Variants in MYRIP observed in about 807,000 individuals in gnomAD.
The protein encoded by MYRIP is myosin VIIA and Rab interacting protein.
In MYRIP, 49 loss-of-function variants were observed where a neutral mutation model predicts 98.0. The ratio of observed to expected loss-of-function variants is 0.50; its 90% CI spans 0.40 to 0.63. The LOEUF (loss-of-function observed/expected upper bound fraction) is 0.63. MYRIP is among the 30% of genes least tolerant of loss of function. The probability of loss-of-function intolerance (pLI) is 0.00; values close to 1 mark genes in which losing one functional copy is unlikely to be tolerated. For synonymous variants in MYRIP, 404 were observed against 409.5 expected (o/e 0.99, Z 0.16); for missense variants, 1,004 against 1,058.2 (o/e 0.95, Z 0.71).
intron 3 of MYRIP, among the ~76,000 whole-genome samples, chr3:40,087,937 C>T (rs1164444685): frequency 2.7e-5 from 4 of 149,072 alleles, no homozygotes; most frequent in Non-Finnish European, 6.0e-5. Context: ...ACACCATTGT[C>T]TTGTGTTTGT....
intron 2 of MYRIP, among the ~76,000 whole-genome samples, chr3:39,904,559 G>T (rs540581336): frequency 6.6e-6 from 1 of 152,096 alleles, no homozygotes; most frequent in African/African-American, 2.4e-5. Flanking sequence ...TTTCCCAAAA[G>T]CATGTATTTA....
At position 39,852,294 on chromosome 3, in the gene MYRIP, G is replaced by C. The variant is rs115121860; in HGVS notation, c.-31+42378G>C. On this transcript the variant is annotated intron_variant, in intron 1 of 16. Coordinates refer to ENST00000302541, the MANE Select transcript of MYRIP (RefSeq NM_015460.4). Reference sequence around the variant, plus strand: ...TTGGGAGACTAGTAACAACTTGATGGGCTGCAGAGCACACCTCTGGTCCCA... The same window carrying C: ...TTGGGAGACTAGTAACAACTTGATGCGCTGCAGAGCACACCTCTGGTCCCA... Among the ~76,000 whole-genome samples the C allele has an allele frequency of 5.0e-3, 757 of 152,278 alleles. 9 individuals carry two copies. Among genetic ancestry groups the C allele is most frequent in the African/African-American group, 0.017 (716 of 41,570 alleles).
At chr3:40,084,402 A>C (rs1948561853) in intron 3 of MYRIP, among the ~76,000 whole-genome samples, 1 of 146,774 alleles carries the variant, frequency 6.8e-6, no homozygotes, top group Non-Finnish European at 1.5e-5. Flanking sequence ...GATAATACAC[A>C]TCTATGTATT....
intron 2 of MYRIP, among the ~76,000 whole-genome samples, chr3:39,935,860 A>G (rs1392632122): frequency 1.3e-5 from 2 of 152,192 alleles, no homozygotes; most frequent in African/African-American, 4.8e-5. Context: ...ATGTGTTTCT[A>G]GCCTCCTTTG....
chr3:40,136,226 T>C (rs1335071138), intron 3 of MYRIP, among the ~76,000 whole-genome samples: 1 of 151,946 alleles, frequency 6.6e-6, no homozygotes, highest in African/African-American at 2.4e-5. Flanking sequence ...AAGGCAGGGG[T>C]TGCAATCCTA....
chr3:40,182,269 C>T lies in MYRIP; in HGVS notation c.923C>T (p.Pro308Leu), dbSNP rs756531645. The T allele has an allele frequency of 8.1e-6, 13 of 1,613,986 alleles. No individual in the cohort carries two copies. Among genetic ancestry groups the T allele is most frequent in the East Asian group, 6.7e-5 (3 of 44,854 alleles). The change falls in exon 9 of 17, where the codon CCT becomes CTT. Residue 308 changes from proline to leucine, a missense_variant. Coordinates refer to ENST00000302541, the MANE Select transcript of MYRIP (RefSeq NM_015460.4). ...ACTGGAGAAGAAGCCCTGAAGACCC[C>T]TCCAGTGGAGGCTCCATCGAGGCAG... Reference protein sequence around the residue: ...SITGEEALKTPPVEAPSRQPR... With the variant: ...SITGEEALKTLPVEAPSRQPR...
chr3:40,169,900 T>C, intron 7 of MYRIP, 50 bp from the exon 8 acceptor site: 1 of 1,612,116 alleles, frequency 6.2e-7, no homozygotes, highest in Non-Finnish European at 8.5e-7. Flanking sequence ...CCACATAGCA[T>C]CAGGAGGCCT....
At chr3:40,025,948 A>G (rs1462789171) in intron 2 of MYRIP, among the ~76,000 whole-genome samples, 1 of 152,138 alleles carries the variant, frequency 6.6e-6, no homozygotes, top group Admixed American at 6.5e-5. Context: ...CTGTGCACGT[A>G]TTGTCTTGAT....
At position 40,141,299 on chromosome 3, in the gene MYRIP, ATTGT is replaced by A. The variant is rs1198470637; in HGVS notation, c.333-9742_333-9739del. On this transcript the variant is annotated intron_variant, in intron 3 of 16. Coordinates refer to ENST00000302541, the MANE Select transcript of MYRIP (RefSeq NM_015460.4). Reference sequence around the variant, plus strand: ...GATCATTTTCCCATTTTTTAATTGGATTGTTTGTTTTTTTGCTGTTGCTTCAGTT... The same window carrying A: ...GATCATTTTCCCATTTTTTAATTGGATTGTTTTTTTGCTGTTGCTTCAGTT... 8.6e-5 allele frequency among the ~76,000 whole-genome samples: 13 copies of A among 151,952 alleles called. No individual in the cohort carries two copies. The South Asian group carries it at 1.5e-3, about 17-fold the overall frequency.
chr3:40,144,582 T>C (rs1949973829), intron 3 of MYRIP, among the ~76,000 whole-genome samples: 1 of 152,236 alleles, frequency 6.6e-6, no homozygotes, highest in African/African-American at 2.4e-5. Context: ...CAGGGCAGTG[T>C]GTGGAAGGAG....
chr3:39,955,628 A>G (rs1945136854), intron 2 of MYRIP, among the ~76,000 whole-genome samples: 1 of 152,218 alleles, frequency 6.6e-6, no homozygotes, highest in African/African-American at 2.4e-5. Flanking sequence ...ACTAACAAGC[A>G]AAATAACCAG....
chr3:40,001,318 A>G (rs1369435543), intron 2 of MYRIP, among the ~76,000 whole-genome samples: 1 of 152,210 alleles, frequency 6.6e-6, no homozygotes, highest in South Asian at 2.1e-4. Flanking sequence ...GCCATGAGAC[A>G]GTTTCTTAAA....
rs149883862 is a variant in MYRIP at position 39,836,397 on chromosome 3, A to C, written c.-31+26481A>C. On this transcript the variant is annotated intron_variant, in intron 1 of 16. Coordinates refer to ENST00000302541, the MANE Select transcript of MYRIP (RefSeq NM_015460.4). ...TTGGCCACATAAATGTCTTCTTTTGAGAAGTGTCTGTTCATATCCTTTGCC... is the reference window on the plus strand; with the variant it reads ...TTGGCCACATAAATGTCTTCTTTTGCGAAGTGTCTGTTCATATCCTTTGCC... Among the ~76,000 whole-genome samples, 42 of 152,286 alleles carry C rather than the reference A, an allele frequency of 2.8e-4. 1 individual carries two copies. The East Asian group carries it at 7.9e-3, about 29-fold the overall frequency.
At chr3:40,100,820 C>A (rs1364616398) in intron 3 of MYRIP, among the ~76,000 whole-genome samples, 1 of 152,162 alleles carries the variant, frequency 6.6e-6, no homozygotes, top group Non-Finnish European at 1.5e-5. Context: ...GATGACACAG[C>A]ATGATACTAT....
chr3:40,094,581 T>C (rs902958177), intron 3 of MYRIP, among the ~76,000 whole-genome samples: 2 of 152,202 alleles, frequency 1.3e-5, no homozygotes, highest in Non-Finnish European at 2.9e-5. Context: ...TCATGTTTAG[T>C]CACCTCCTTC....
chr3:39,945,476 C>CA (rs67748992), intron 2 of MYRIP, among the ~76,000 whole-genome samples: 19,650 of 63,596 alleles, frequency 0.31, 2,118 homozygotes, highest in Middle Eastern at 0.42. Context: ...GACTCCATCT[C>CA]AAAAAAAAAA....
chr3:39,899,417 A>G (rs1402721437), intron 1 of MYRIP, among the ~76,000 whole-genome samples: 1 of 151,948 alleles, frequency 6.6e-6, no homozygotes, highest in Non-Finnish European at 1.5e-5. Context: ...TTATTTATTT[A>G]TTTATTTATT....
intron 3 of MYRIP, among the ~76,000 whole-genome samples, chr3:40,057,770 T>C (rs1323139814): frequency 2.0e-5 from 3 of 152,212 alleles, no homozygotes; most frequent in African/African-American, 4.8e-5. Flanking sequence ...TTTGCTTTCT[T>C]TTGGGGTTCT....
intron 2 of MYRIP, among the ~76,000 whole-genome samples, chr3:39,904,688 A>G (rs987358030): frequency 1.3e-5 from 2 of 152,130 alleles, no homozygotes; most frequent in Non-Finnish European, 2.9e-5. Context: ...CAGGACTCCT[A>G]CTATCCCCCA....
Sources: allele counts gnomAD v4.1 joint callset (sites outside exome capture counted in the v4.1 genomes callset), GRCh38; gene constraint gnomAD v4.1.1; transcripts MANE v1.5; gene names NCBI Gene and HGNC (gene_info 2026-07-23, HGNC 2026-07-21).